Variants in TTN observed in about 807,000 individuals in gnomAD.
The protein encoded by TTN is titin.
In TTN, 1,525 loss-of-function variants were observed where a neutral mutation model predicts 3,223.0. The observed-to-expected ratio is 0.47, with a 90% CI of 0.45 to 0.49. The LOEUF (loss-of-function observed/expected upper bound fraction) is 0.49, where lower values mean the gene tolerates loss of function less well. Ranked by LOEUF, TTN falls within the 20% of genes least tolerant of loss-of-function variation. The pLI is 0.00. For synonymous variants in TTN, 14,094 were observed against 15,161.0 expected (o/e 0.93, Z 5.17); for missense variants, 40,786 against 43,424.0 (o/e 0.94, Z 5.40).
rs766335027 is a variant in TTN, at chr2:178,566,741, T to G, written c.79391A>C (p.Glu26464Ala). ...DHEYEFRVSA[E>A]NAAGVGEPSP... is the part of the protein sequence containing the mutation. ...TGGTTCCCCAACTCCAGCAGCATTT[T>G]CTGCAGAGACCCTGAATTCATACTC... The change falls in exon 326 of 363, where the codon GAA becomes GCA. Residue 26464 changes from glutamate to alanine, a missense_variant. By Grantham distance (107) the Glu-to-Ala change is moderately radical. Transcript: ENST00000589042. The G allele has an allele frequency of 1.2e-6, 2 of 1,613,420 alleles. No homozygotes were observed. Among genetic ancestry groups the G allele is most frequent in the Non-Finnish European group, 1.7e-6 (2 of 1,179,672 alleles).
At position 178,589,619 on chromosome 2, in the gene TTN, T is replaced by C; in HGVS notation, c.62106A>G (p.Ser20702=). 1 of 1,613,354 alleles carries C rather than the reference T, an allele frequency of 6.2e-7. No individual in the cohort carries two copies. Among genetic ancestry groups the C allele is most frequent in the East Asian group, 2.2e-5 (1 of 44,788 alleles). ...PDYDGGSPNL[S]YHVERRLKGS... ...CCTTAAGCCTTCTCTCAACATGATATGACAGATTTGGACTGCCACCATCAT... is the reference window on the plus strand; with the variant it reads ...CCTTAAGCCTTCTCTCAACATGATACGACAGATTTGGACTGCCACCATCAT... Residue 20702 remains serine, a synonymous_variant, in exon 304 of 363, where the codon TCA becomes TCG. Transcript: ENST00000589042.
rs767252340 is a variant in TTN at position 178,549,260 on chromosome 2, T to C, written c.92366A>G (p.Asn30789Ser). ...RFKVTGLTEGNEYEFHVMAEN... is the reference protein window; with the variant it reads ...RFKVTGLTEGSEYEFHVMAEN... ...AGCCATGACATGGAATTCATACTCA[T>C]TGCCTTCTGTCAGACCAGTGACTTT... Residue 30789 changes from asparagine (N) to serine (S), a missense_variant, in exon 339 of 363, where the codon AAT (asparagine) becomes AGT (serine). Asn to Ser is a conservative substitution (Grantham distance 46). Coordinates refer to ENST00000589042, the MANE Select transcript of TTN (RefSeq NM_001267550.2). The C allele has an allele frequency of 2.5e-6, 4 of 1,613,942 alleles. No homozygotes were observed. The highest frequency in any genetic ancestry group is 1.7e-5 in the Admixed American group (1 of 60,012).
In TTN at chr2:178,583,894, T is replaced by G; in HGVS notation, c.65288A>C (p.Lys21763Thr). ...CTTGGTGACATCAATAACCTCAGGT[T>G]TCCCAGGAGGATCTAAAACAAAAAG... is the stretch of plus-strand genomic sequence containing the variant. ...TARMPVDPPGKPEVIDVTKST... is the reference protein window; with the variant it reads ...TARMPVDPPGTPEVIDVTKST... The change falls in exon 312 of 363, where the codon AAA (lysine) becomes ACA (threonine). Residue 21763 changes from lysine (K) to threonine (T), a missense_variant. Lys to Thr is a moderately conservative substitution (Grantham distance 78). Coordinates refer to ENST00000589042, the MANE Select transcript of TTN (RefSeq NM_001267550.2). 1 of 1,576,078 alleles carries G rather than the reference T, an allele frequency of 6.3e-7. No individual in the cohort carries two copies. Among genetic ancestry groups the G allele is most frequent in the Non-Finnish European group, 8.6e-7 (1 of 1,157,442 alleles).
chr2:178,763,417 C>T (rs2089717417), intron 43 of TTN, among the ~76,000 whole-genome samples: 1 of 152,206 alleles, frequency 6.6e-6, no homozygotes, highest in Non-Finnish European at 1.5e-5. Context: ...ATTTAACCAT[C>T]ATTAATTAGT....
Position 178,539,893 on chromosome 2 carries a change from A to G in TTN, c.98172T>C (p.Leu32724=), listed in dbSNP as rs72648271. 19 of 1,613,682 alleles carry G rather than the reference A, an allele frequency of 1.2e-5. No homozygotes were observed. The highest frequency in any genetic ancestry group is 1.6e-4 in the Middle Eastern group (1 of 6,084). Reference sequence around the variant, plus strand: ...ATGGTTTTCCTTTGATTGGTATGGTAAGTCTGATGACGCCACCTTGCCTTA... The same window carrying G: ...ATGGTTTTCCTTTGATTGGTATGGTGAGTCTGATGACGCCACCTTGCCTTA... ...IFVRQGGVIR[L]TIPIKGKPFP... Residue 32724 remains leucine (L), a synonymous_variant, in exon 352 of 363, where the codon CTT becomes CTC. Coordinates refer to ENST00000589042, the MANE Select transcript of TTN (RefSeq NM_001267550.2).
chr2:178,577,307 C>T lies in TTN; in HGVS notation c.69028G>A (p.Ala23010Thr). 1 of 1,612,806 alleles carries T rather than the reference C, an allele frequency of 6.2e-7. No individual in the cohort carries two copies. The highest frequency in any genetic ancestry group is 8.5e-7 in the Non-Finnish European group (1 of 1,179,458). ...TATTCACCCGCATCTTTTCTAGTGGCATACTTGATAGTAAGCATGGAAGAT... is the reference window on the plus strand; with the variant it reads ...TATTCACCCGCATCTTTTCTAGTGGTATACTTGATAGTAAGCATGGAAGAT... ...PTSSMLTIKY[A>T]TRKDAGEYTI... Residue 23010 changes from alanine (A) to threonine (T), a missense_variant, in exon 324 of 363, where the codon GCC becomes ACC. By Grantham distance (58) the Ala-to-Thr change is moderately conservative. Coordinates refer to ENST00000589042, the MANE Select transcript of TTN (RefSeq NM_001267550.2).
At position 178,594,541 on chromosome 2, in the gene TTN, T is replaced by G. The variant is rs767305625; in HGVS notation, c.57953A>C (p.Asn19318Thr). ...PKYDGGSEII[N>T]YVLESRLIGT... ...AATGAGCCGACTTTCTAGGACATAG[T>G]TAATAATTTCTGACCCACCATCATA... Residue 19318 changes from asparagine (N) to threonine (T), a missense_variant, in exon 296 of 363, where the codon AAC becomes ACC. Coordinates refer to ENST00000589042, the MANE Select transcript of TTN (RefSeq NM_001267550.2). The G allele has an allele frequency of 1.4e-5, 23 of 1,613,360 alleles. 1 individual carries two copies. The South Asian group carries it at 2.5e-4, about 18-fold the overall frequency.
Position 178,636,773 on chromosome 2 carries a change from T to C in TTN, c.40954A>G (p.Ile13652Val). The C allele has an allele frequency of 6.2e-7, 1 of 1,603,120 alleles. No homozygotes were observed. Among genetic ancestry groups the C allele is most frequent in the Non-Finnish European group, 8.5e-7 (1 of 1,173,622 alleles). ...CTTAACTTTCTCCTTTCGGCTTCTA[T>C]TGGTGAAGGAGTCTTTTTGGGTACA... ...KGVPKKTPSP[I>V]EAERRKLRPG... The change falls in exon 225 of 363, where the codon ATA (isoleucine) becomes GTA (valine). Residue 13652 changes from isoleucine (I) to valine (V), a missense_variant. By Grantham distance (29) the Ile-to-Val change is conservative. Coordinates refer to ENST00000589042, the MANE Select transcript of TTN (RefSeq NM_001267550.2). This position sits in a 1 kb window ranked among gnomAD's most constrained non-coding sequence, Gnocchi z 4.3.
In TTN at chr2:178,704,303, T is replaced by C; in HGVS notation, c.30067A>G (p.Arg10023Gly). The change falls in exon 106 of 363, where the codon AGA becomes GGA. Residue 10023 changes from arginine (R) to glycine (G), a missense_variant. By Grantham distance (125) the Arg-to-Gly change is moderately radical. Transcript: ENST00000589042. Reference sequence around the variant, plus strand: ...TGGGGTTTAAGGATTCTGCCATTTCTGAACCATTCAGATTTTACATTTGGT... The same window carrying C: ...TGGGGTTTAAGGATTCTGCCATTTCCGAACCATTCAGATTTTACATTTGGT... Reference protein sequence around the residue: ...SVPNVKSEWFRNGRILKPQGR... With the variant: ...SVPNVKSEWFGNGRILKPQGR... 1.2e-6 allele frequency: 2 copies of C among 1,614,052 alleles called. No homozygotes were observed. Among genetic ancestry groups the C allele is most frequent in the Non-Finnish European group, 1.7e-6 (2 of 1,179,884 alleles).
chr2:178,536,910 G>A (rs1382198088), intron 356 of TTN, 28 bp downstream of exon 356: 17 of 1,536,276 alleles, frequency 1.1e-5, no homozygotes, highest in African/African-American at 1.4e-5. Flanking sequence ...TTTACCATAG[G>A]AAGATACAGA....
rs1366841002 is a variant in TTN, at chr2:178,702,524, C to G, written c.30363G>C (p.Gln10121His). 1 of 1,613,944 alleles carries G rather than the reference C, an allele frequency of 6.2e-7. No individual in the cohort carries two copies. Among genetic ancestry groups the G allele is most frequent in the South Asian group, 1.1e-5 (1 of 91,076 alleles). Reference protein sequence around the residue: ...YKGPTELTESQKYNFRNDGRC... With the variant: ...YKGPTELTESHKYNFRNDGRC... ...GGCCATCATTCCTGAAGTTGTATTT[C>G]TGGCTCTCTGTCAGTTCTGTTGGTC... Residue 10121 changes from glutamine to histidine, a missense_variant, in exon 107 of 363, where the codon CAG becomes CAC. Coordinates refer to ENST00000589042, the MANE Select transcript of TTN (RefSeq NM_001267550.2).
Position 178,652,909 on chromosome 2 carries a change from A to T in TTN, c.38898T>A (p.Val12966=), listed in dbSNP as rs200432936. The change falls in exon 200 of 363, where the codon GTT becomes GTA. Residue 12966 remains valine, a synonymous_variant. Transcript: ENST00000589042. Reference sequence around the variant, plus strand: ...CCAAGGGCATTTTCTTTTCAGGAACAACCTCTATGGGAGCCTCTGGCACTT... The same window carrying T: ...CCAAGGGCATTTTCTTTTCAGGAACTACCTCTATGGGAGCCTCTGGCACTT... The part of the protein sequence containing the change: ...PVKVPEAPIE[V]VPEKKMPLAP... The T allele has an allele frequency of 3.5e-4, 556 of 1,609,304 alleles. No homozygotes were observed. Among genetic ancestry groups the T allele is most frequent in the Non-Finnish European group, 4.6e-4 (540 of 1,178,308 alleles).
At position 178,666,857 on chromosome 2, in the gene TTN, T is replaced by C. The variant is rs924447907; in HGVS notation, c.35842A>G (p.Ile11948Val). 2.5e-6 allele frequency: 4 copies of C among 1,572,922 alleles called. No homozygotes were observed. Among genetic ancestry groups the C allele is most frequent in the Non-Finnish European group, 3.5e-6 (4 of 1,158,488 alleles). ...KEVIPEGETP[I>V]VKRRKTPSPT... ...GATGGTGTTTTTCTTCTTTTAACAATAGGAGTTTCTCCCTCTGGAATGACT... is the reference window on the plus strand; with the variant it reads ...GATGGTGTTTTTCTTCTTTTAACAACAGGAGTTTCTCCCTCTGGAATGACT... Residue 11948 changes from isoleucine (I) to valine (V), a missense_variant, in exon 163 of 363, where the codon ATT becomes GTT. Physicochemically the swap from Ile to Val is conservative, Grantham distance 29 (BLOSUM62 3). Coordinates refer to ENST00000589042, the MANE Select transcript of TTN (RefSeq NM_001267550.2).
intron 121 of TTN, among the ~76,000 whole-genome samples, chr2:178,691,123 A>G (rs1187873686): frequency 6.6e-6 from 1 of 152,220 alleles, no homozygotes; most frequent in Non-Finnish European, 1.5e-5. Flanking sequence ...TGAGAAAGAG[A>G]GAAGCATATT....
rs746058452 is a variant in TTN at position 178,663,496 on chromosome 2, C to G, written c.36553G>C (p.Val12185Leu). The change falls in exon 172 of 363, where the codon GTT becomes CTT. Residue 12185 changes from valine (V) to leucine (L), a missense_variant. Transcript: ENST00000589042. ...PVKVPEAPKEVVPEKKVPVPP... is the reference protein window; with the variant it reads ...PVKVPEAPKELVPEKKVPVPP... Reference sequence around the variant, plus strand: ...ACTGGCACTTTCTTTTCAGGAACAACTTCTTTGGGAGCCTCAGGCACTTGA... The same window carrying G: ...ACTGGCACTTTCTTTTCAGGAACAAGTTCTTTGGGAGCCTCAGGCACTTGA... 3.1e-6 allele frequency: 5 copies of G among 1,613,032 alleles called. No individual in the cohort carries two copies. In the East Asian group the frequency reaches 8.9e-5, roughly 29 times the overall value.
At position 178,688,175 on chromosome 2, in the gene TTN, G is replaced by A; in HGVS notation, c.32247C>T (p.Ser10749=). 6.2e-7 allele frequency: 1 copy of A among 1,612,858 alleles called. No homozygotes were observed. The highest frequency in any genetic ancestry group is 8.5e-7 in the Non-Finnish European group (1 of 1,179,736). Residue 10749 remains serine, a synonymous_variant, in exon 127 of 363, where the codon TCC becomes TCT. Transcript: ENST00000589042. ...WSYSEEEEGV[S]ISVYREEERE... Reference sequence around the variant, plus strand: ...TTTCTTCTTCTCTATAAACTGAAATGGACACACCTTCCTCCTCTTCTGAGT... The same window carrying A: ...TTTCTTCTTCTCTATAAACTGAAATAGACACACCTTCCTCCTCTTCTGAGT...
At position 178,620,560 on chromosome 2, in the gene TTN, A is replaced by T; in HGVS notation, c.45961T>A (p.Phe15321Ile). 3.7e-6 allele frequency: 6 copies of T among 1,611,806 alleles called. No individual in the cohort carries two copies. Among genetic ancestry groups the T allele is most frequent in the Non-Finnish European group, 5.1e-6 (6 of 1,178,804 alleles). ...IETMEKKSVT[F>I]WCKVNRLNVT... ...TTGAGACGATTCACCTTGCACCAGAATGTGACAGATTTCTTCTCCATTGTT... is the reference window on the plus strand; with the variant it reads ...TTGAGACGATTCACCTTGCACCAGATTGTGACAGATTTCTTCTCCATTGTT... Residue 15321 changes from phenylalanine (F) to isoleucine (I), a missense_variant, in exon 248 of 363, where the codon TTC becomes ATC. Transcript: ENST00000589042.
Position 178,543,506 on chromosome 2 carries a change from G to A in TTN, c.96467C>T (p.Thr32156Ile), listed in dbSNP as rs1234684569. The stretch of plus-strand genomic sequence containing the variant: ...GTAAAGTGTCTTGCTGCATTTGGTA[G>A]TTACTGTTTTGAATGCTCTCATAGC... ...EAAMRAFKTV[T>I]TKCSKTLYRI... Residue 32156 changes from threonine to isoleucine, a missense_variant, in exon 347 of 363, where the codon ACT becomes ATT. By Grantham distance (89) the Thr-to-Ile change is moderately conservative (BLOSUM62 -1). Transcript: ENST00000589042. The A allele has an allele frequency of 6.2e-7, 1 of 1,613,646 alleles. No homozygotes were observed. The highest frequency in any genetic ancestry group is 1.1e-5 in the South Asian group (1 of 91,080).
In TTN at chr2:178,704,677, A is replaced by G. The variant is rs1300557715; in HGVS notation, c.29795T>C (p.Leu9932Pro). 3 of 1,612,028 alleles carry G rather than the reference A, an allele frequency of 1.9e-6. No individual in the cohort carries two copies. The Admixed American group carries it at 5.0e-5, about 27-fold the overall frequency. ...TTTTTCAGTTCCTTTGTACCACGAA[A>G]GCTTGATTTCTGGATAATTAATTTT... Reference protein sequence around the residue: ...DIKINYPEIKLSWYKGTEKLE... With the variant: ...DIKINYPEIKPSWYKGTEKLE... Residue 9932 changes from leucine (L) to proline (P), a missense_variant, in exon 105 of 363, where the codon CTT becomes CCT. Physicochemically the swap from Leu to Pro is moderately conservative, Grantham distance 98. Coordinates refer to ENST00000589042, the MANE Select transcript of TTN (RefSeq NM_001267550.2).
Sources: gnomAD v4.1 joint callset for allele counts (sites outside exome capture counted in the v4.1 genomes callset) on GRCh38, gnomAD v4.1.1 for gene constraint, Gnocchi (gnomAD v3.1) non-coding constraint, MANE v1.5 for transcripts, NCBI Gene and HGNC (gene_info 2026-07-23, HGNC 2026-07-21) for gene names.